TMOD2: variants seen among roughly 807,000 people sequenced by gnomAD.
The protein encoded by TMOD2 is tropomodulin 2.
Under a neutral mutation model 39.9 loss-of-function variants are expected in TMOD2, and 22 were observed. That is an observed-to-expected ratio of 0.55 (90% CI 0.39 to 0.79). The LOEUF (loss-of-function observed/expected upper bound fraction) is 0.79, where lower values mean the gene tolerates loss of function less well. TMOD2 is among the 30% of genes least tolerant of loss of function. TMOD2 has a pLI of 0.00. For missense variants in TMOD2, 386 were observed against 413.3 expected (o/e 0.93, Z 0.57); for synonymous variants, 123 against 146.1 (o/e 0.84, Z 1.14).
In TMOD2 at chr15:51,806,539, T is replaced by C; in HGVS notation, c.1021+18T>C. On this transcript the variant is annotated intron_variant, in intron 9 of 9. Coordinates refer to ENST00000249700, the MANE Select transcript of TMOD2 (RefSeq NM_014548.4). ...TGACCTGGGTAATTCAGCCATAATA[T>C]TTGCTGTTAACAATTAGAAGAGCAT... The C allele has an allele frequency of 6.2e-7, 1 of 1,613,886 alleles. No individual in the cohort carries two copies. Among genetic ancestry groups the C allele is most frequent in the Non-Finnish European group, 8.5e-7 (1 of 1,179,844 alleles).
intron 1 of TMOD2, among the ~76,000 whole-genome samples, chr15:51,760,814 G>GAA (rs11459575): frequency 3.2e-4 from 49 of 151,230 alleles, no homozygotes; most frequent in Admixed American, 1.9e-3. Flanking sequence ...CTCAAAAAAA[G>GAA]AAAAAAAAAT....
intron 8 of TMOD2, among the ~76,000 whole-genome samples, chr15:51,802,910 G>C (rs1453458843): frequency 6.6e-6 from 1 of 152,208 alleles, no homozygotes; most frequent in African/African-American, 2.4e-5. Flanking sequence ...GAAGCAAAGA[G>C]ATAAGCCTTA....
intron 7 of TMOD2, among the ~76,000 whole-genome samples, chr15:51,788,807 T>A (rs2055988989): frequency 6.6e-6 from 1 of 152,198 alleles, no homozygotes; most frequent in African/African-American, 2.4e-5. Context: ...AAGCAAATGC[T>A]AAGATATTTT....
At chr15:51,774,631 G>T (rs1161302636) in intron 4 of TMOD2, among the ~76,000 whole-genome samples, 1 of 152,142 alleles carries the variant, frequency 6.6e-6, no homozygotes, top group African/African-American at 2.4e-5. Context: ...CATTCCTTCT[G>T]TGATGATGTC....
intron 9 of TMOD2, 90 bp from the exon 10 acceptor site, chr15:51,808,330 G>A (rs981780927): frequency 6.0e-6 from 6 of 1,003,550 alleles, no homozygotes; most frequent in South Asian, 5.7e-5. Flanking sequence ...AAGTGTGTGA[G>A]ATTGTCATCT....
At chr15:51,764,166 G>A (rs953583023) in intron 1 of TMOD2, among the ~76,000 whole-genome samples, 3 of 152,082 alleles carry the variant, frequency 2.0e-5, no homozygotes, top group Admixed American at 6.6e-5. Context: ...GCACATGCCT[G>A]TAGTCCCGGG....
At chr15:51,789,378 C>G (rs1450590953) in intron 7 of TMOD2, among the ~76,000 whole-genome samples, 4 of 152,156 alleles carry the variant, frequency 2.6e-5, no homozygotes, top group Non-Finnish European at 5.9e-5. Context: ...TAGAGACCTA[C>G]AAAGAGACTT....
intron 8 of TMOD2, among the ~76,000 whole-genome samples, chr15:51,800,517 CAG>C (rs2056080253): frequency 6.6e-6 from 1 of 151,938 alleles, no homozygotes; most frequent in Admixed American, 6.6e-5. Context: ...GCCTGGGTGA[CAG>C]AGCAAGACCG....
At chr15:51,789,523 G>A (rs1263722324) in intron 7 of TMOD2, among the ~76,000 whole-genome samples, 1 of 152,126 alleles carries the variant, frequency 6.6e-6, no homozygotes, top group Non-Finnish European at 1.5e-5. Flanking sequence ...ATAGACATCT[G>A]CAGAACTCTC....
intron 1 of TMOD2, among the ~76,000 whole-genome samples, chr15:51,761,335 G>C (rs1053586037): frequency 6.6e-6 from 1 of 152,168 alleles, no homozygotes; most frequent in African/African-American, 2.4e-5. Flanking sequence ...AAGCTGGTCT[G>C]AGTGTTGGGA....
intron 8 of TMOD2, among the ~76,000 whole-genome samples, chr15:51,800,998 C>T (rs1033323147): frequency 2.0e-5 from 3 of 152,158 alleles, no homozygotes; most frequent in South Asian, 4.1e-4. Flanking sequence ...AGCCCCACCG[C>T]GCCTAGCCTG....
intron 8 of TMOD2, 120 bp downstream of exon 8, chr15:51,798,460 A>G: frequency 8.1e-7 from 1 of 1,233,680 alleles, no homozygotes; most frequent in Non-Finnish European, 1.1e-6. Flanking sequence ...GATGTACTGG[A>G]TTTCCTGTAA....
At chr15:51,803,100 T>A (rs1057262874) in intron 8 of TMOD2, among the ~76,000 whole-genome samples, 2 of 150,608 alleles carry the variant, frequency 1.3e-5, no homozygotes, top group Non-Finnish European at 2.9e-5. Context: ...CAGGGAAGAA[T>A]GAAATAAAAG....
At chr15:51,787,604 C>A (rs897990480) in intron 7 of TMOD2, among the ~76,000 whole-genome samples, 16 of 152,216 alleles carry the variant, frequency 1.1e-4, no homozygotes, top group Non-Finnish European at 4.4e-5. Context: ...CCAGTAGGGG[C>A]CGACAGACAC....
At chr15:51,795,619 T>TCC (rs2056045764) in intron 7 of TMOD2, among the ~76,000 whole-genome samples, 2 of 136,720 alleles carry the variant, frequency 1.5e-5, no homozygotes, top group Admixed American at 7.5e-5. Flanking sequence ...TCTTTCTTTC[T>TCC]TTCTTTCTTT....
intron 3 of TMOD2, among the ~76,000 whole-genome samples, chr15:51,768,782 C>A (rs961640839): frequency 2.8e-5 from 4 of 142,420 alleles, no homozygotes; most frequent in African/African-American, 1.1e-4. Flanking sequence ...GGAACTGTCC[C>A]GGAAATGGGA....
chr15:51,805,415 C>T (rs1202126072), intron 8 of TMOD2, among the ~76,000 whole-genome samples: 4 of 152,120 alleles, frequency 2.6e-5, no homozygotes, highest in Admixed American at 6.5e-5. Flanking sequence ...TTCATCCAAA[C>T]GTGTACATGG....
At chr15:51,752,323 A>C (rs1363633219) in intron 1 of TMOD2, among the ~76,000 whole-genome samples, 1 of 152,146 alleles carries the variant, frequency 6.6e-6, no homozygotes, top group Non-Finnish European at 1.5e-5. Context: ...AGGCTTCCTA[A>C]ATGTTCCCTG....
chr15:51,787,533 G>A (rs931951675), intron 7 of TMOD2, among the ~76,000 whole-genome samples: 5 of 152,226 alleles, frequency 3.3e-5, no homozygotes, highest in East Asian at 3.9e-4. Flanking sequence ...CTCCGATAAC[G>A]GACAGACTGC....
Sources: allele counts gnomAD v4.1 joint callset (sites outside exome capture counted in the v4.1 genomes callset), GRCh38; gene constraint gnomAD v4.1.1; transcripts MANE v1.5; gene names NCBI Gene and HGNC (gene_info 2026-07-23, HGNC 2026-07-21).